LSG1: variants seen among roughly 807,000 people sequenced by gnomAD.
The protein encoded by LSG1 is large subunit GTPase 1 homolog.
Under a neutral mutation model 82.6 loss-of-function variants are expected in LSG1, and 55 were observed. The observed-to-expected ratio is 0.67, with a 90% CI of 0.54 to 0.83. The LOEUF (loss-of-function observed/expected upper bound fraction) is 0.83. Among genes scored for constraint, LSG1 ranks in the 40% least tolerant of loss-of-function variants. LSG1 has a pLI of 0.00. For missense variants in LSG1, 809 were observed against 807.9 expected (o/e 1.00, Z -0.02); for synonymous variants, 272 against 282.5 (o/e 0.96, Z 0.37).
In LSG1 at chr3:194,645,545, C is replaced by CAGACAG. The variant is rs1560219698; in HGVS notation, c.1623+618_1623+619insCTGTCT. 119 of 47,462 alleles carry CAGACAG rather than the reference C, an allele frequency of 2.5e-3. 6 individuals carry two copies. Among genetic ancestry groups the CAGACAG allele is most frequent in the Non-Finnish European group, 3.7e-3 (85 of 23,128 alleles). The allele number at this position is 47,462 out of a possible 1,614,324, so 2.9% of individuals were successfully genotyped here. On this transcript the variant is annotated intron_variant, in intron 12 of 13. Coordinates refer to ENST00000265245, the MANE Select transcript of LSG1 (RefSeq NM_018385.3). ...ACACACACACAGACAGACACACACA[C>CAGACAG]ACACACACACACACACACACACACA...
At chr3:194,647,332 C>T (rs1386228839) in intron 11 of LSG1, among the ~76,000 whole-genome samples, 1 of 152,068 alleles carries the variant, frequency 6.6e-6, no homozygotes, top group African/African-American at 2.4e-5. Context: ...ATGTGTAGCA[C>T]ATATAACAAA....
intron 7 of LSG1, among the ~76,000 whole-genome samples, chr3:194,653,515 CA>C (rs35726683): frequency 1.1e-3 from 125 of 113,114 alleles, no homozygotes; most frequent in Middle Eastern, 4.5e-3. Context: ...CTCTGTCTCA[CA>C]AAAAAAAAAA....
Position 194,652,716 on chromosome 3 carries a change from T to C in LSG1, c.1173+13A>G. The C allele has an allele frequency of 6.2e-7, 1 of 1,606,220 alleles. No individual in the cohort carries two copies. The highest frequency in any genetic ancestry group is 8.5e-7 in the Non-Finnish European group (1 of 1,174,962). ...ATCACGTGGTAACAATGTTATGACA[T>C]ATGTCATCTTACCAGTCCGACCGTA... On this transcript the variant is annotated intron_variant, in intron 8 of 13. Coordinates refer to ENST00000265245, the MANE Select transcript of LSG1 (RefSeq NM_018385.3).
intron 6 of LSG1, among the ~76,000 whole-genome samples, chr3:194,659,337 A>T (rs193048147): frequency 6.6e-6 from 1 of 152,268 alleles, no homozygotes; most frequent in Non-Finnish European, 1.5e-5. Flanking sequence ...TTTGTTATGC[A>T]CCAGTGGGTT....
Position 194,660,122 on chromosome 3 carries a change from A to T in LSG1, c.533T>A (p.Val178Asp), listed in dbSNP as rs749636765. Residue 178 changes from valine to aspartate, a missense_variant, in exon 6 of 14, where the codon GTC (valine) becomes GAC (aspartate). Coordinates refer to ENST00000265245, the MANE Select transcript of LSG1 (RefSeq NM_018385.3). ...WRVIERSDIV[V>D]QIVDARNPLL... ...TGGGTTTCGAGCATCTACTATCTGG[A>T]CCACAATATCACTGAAAAACAAACA... The T allele has an allele frequency of 1.2e-6, 2 of 1,614,016 alleles. No homozygotes were observed. The highest frequency in any genetic ancestry group is 1.7e-6 in the Non-Finnish European group (2 of 1,179,860).
chr3:194,648,586 G>A (rs1718603454), intron 11 of LSG1, 95 bp downstream of exon 11: 43 of 1,292,398 alleles, frequency 3.3e-5, no homozygotes, highest in Non-Finnish European at 4.5e-5. Flanking sequence ...GTGTATCTTT[G>A]CAGAACAGCA....
chr3:194,645,555 C>CACACACACACACAG lies in LSG1; in HGVS notation c.1623+608_1623+609insCTGTGTGTGTGTGT, dbSNP rs1718522043. Reference sequence around the variant, plus strand: ...AGACAGACACACACACACACACACACACACACACACACACAGACAGACACA... The same window carrying CACACACACACACAG: ...AGACAGACACACACACACACACACACACACACACACACAGACACACACACACACAGACAGACACA... On this transcript the variant is annotated intron_variant, in intron 12 of 13. Coordinates refer to ENST00000265245, the MANE Select transcript of LSG1 (RefSeq NM_018385.3). 1.1e-4 allele frequency among the ~76,000 whole-genome samples: 5 copies of CACACACACACACAG among 44,540 alleles called. 1 individual carries two copies. The highest frequency in any genetic ancestry group is 3.6e-4 in the African/African-American group (5 of 13,958). 29.2% of individuals were successfully genotyped at this position (44,540 alleles called of 152,430 possible). A position where few individuals can be genotyped will look rare whatever the true frequency, so the allele number is the denominator to read the frequency against.
Position 194,644,964 on chromosome 3 carries a change from A to G in LSG1, c.1624-218T>C, listed in dbSNP as rs79744755. The G allele has an allele frequency of 1.8e-3, 687 of 391,920 alleles. 3 individuals carry two copies. The highest frequency in any genetic ancestry group is 2.7e-3 in the Non-Finnish European group (598 of 221,452). 24.3% of individuals were successfully genotyped at this position (391,920 alleles called of 1,614,324 possible). On this transcript the variant is annotated intron_variant, in intron 12 of 13. Coordinates refer to ENST00000265245, the MANE Select transcript of LSG1 (RefSeq NM_018385.3). Reference sequence around the variant, plus strand: ...AGCTCTTCCCATGGCGCCCCAGACTAGGATGAAATCTCTTTCTTCTTTTCT... The same window carrying G: ...AGCTCTTCCCATGGCGCCCCAGACTGGGATGAAATCTCTTTCTTCTTTTCT...
At chr3:194,647,128 A>T (rs939772723) in intron 11 of LSG1, among the ~76,000 whole-genome samples, 1 of 152,202 alleles carries the variant, frequency 6.6e-6, no homozygotes, top group Non-Finnish European at 1.5e-5. Context: ...ACAACAATAA[A>T]TTTCGTCAGA....
intron 10 of LSG1, among the ~76,000 whole-genome samples, chr3:194,649,500 A>G (rs1046110642): frequency 6.6e-6 from 1 of 150,724 alleles, no homozygotes; most frequent in Non-Finnish European, 1.5e-5. Flanking sequence ...CCTGGCCAAC[A>G]TGGTGAAACC....
At position 194,652,818 on chromosome 3, in the gene LSG1, G is replaced by A. The variant is rs746688056; in HGVS notation, c.1084C>T (p.His362Tyr). ...AGTAACTCCTGCTTGGATACCAGAT[G>A]GCTAAAATTGTGTATCTGCCTCTTC... Reference protein sequence around the residue: ...PQKRQIHNFSHLVSKQELLEL... With the variant: ...PQKRQIHNFSYLVSKQELLEL... Residue 362 changes from histidine to tyrosine, a missense_variant, in exon 8 of 14, where the codon CAT becomes TAT. Physicochemically the swap from His to Tyr is moderately conservative, Grantham distance 83. Coordinates refer to ENST00000265245, the MANE Select transcript of LSG1 (RefSeq NM_018385.3). 5.6e-6 allele frequency: 9 copies of A among 1,614,130 alleles called. No individual in the cohort carries two copies. The highest frequency in any genetic ancestry group is 5.1e-6 in the Non-Finnish European group (6 of 1,180,042).
chr3:194,668,912 A>G (rs1719085794), intron 2 of LSG1, among the ~76,000 whole-genome samples: 1 of 86,232 alleles, frequency 1.2e-5, no homozygotes, highest in Non-Finnish European at 2.8e-5. Context: ...GACAATATGA[A>G]TGAACCACTC....
intron 1 of LSG1, 53 bp downstream of exon 1, chr3:194,672,011 G>C: frequency 6.5e-7 from 1 of 1,530,300 alleles, no homozygotes; most frequent in Middle Eastern, 1.7e-4. Flanking sequence ...CCCGAATTTT[G>C]CAGCACTCAG....
intron 5 of LSG1, 148 bp from the exon 6 acceptor site, chr3:194,660,281 T>A: frequency 1.5e-6 from 1 of 671,970 alleles, no homozygotes; most frequent in Non-Finnish European, 2.7e-6. Flanking sequence ...TCCCGGTTTA[T>A]ATATGAGTGA....
intron 7 of LSG1, among the ~76,000 whole-genome samples, chr3:194,655,170 T>G (rs919446750): frequency 2.0e-5 from 3 of 152,184 alleles, no homozygotes; most frequent in Admixed American, 2.0e-4. Flanking sequence ...AACTATACAC[T>G]GTTAATCCAG....
In LSG1 at chr3:194,641,790, A is replaced by AT. The variant is rs765454135; in HGVS notation, c.*277dup. On this transcript the variant is annotated 3_prime_UTR_variant, in exon 14 of 14. Transcript: ENST00000265245. ...CACCACGCCTGGCTAATTTTTTTGT[A>AT]TTTTTAGTAGAGACGGGGTTTCTCC... is the stretch of plus-strand genomic sequence containing the variant. 11 of 258,482 alleles carry AT rather than the reference A, an allele frequency of 4.3e-5. No homozygotes were observed. Among genetic ancestry groups the AT allele is most frequent in the Non-Finnish European group, 7.2e-5 (10 of 138,020 alleles). 16.0% of individuals were successfully genotyped at this position (258,482 alleles called of 1,614,324 possible). A position where few individuals can be genotyped will look rare whatever the true frequency, so the allele number is the denominator to read the frequency against.
intron 7 of LSG1, among the ~76,000 whole-genome samples, chr3:194,655,496 G>A (rs1718772461): frequency 1.3e-5 from 2 of 152,138 alleles, no homozygotes; most frequent in African/African-American, 4.8e-5. Context: ...TTCTGCCTAA[G>A]AATGGTAAGT....
intron 10 of LSG1, 172 bp from the exon 11 acceptor site, chr3:194,648,976 T>C: frequency 1.7e-6 from 1 of 591,724 alleles, no homozygotes; most frequent in East Asian, 3.2e-5. Flanking sequence ...TTTTTTCCCT[T>C]TTAAACAAGG....
intron 7 of LSG1, among the ~76,000 whole-genome samples, chr3:194,656,320 AT>A (rs1577255608): frequency 8.9e-6 from 1 of 112,730 alleles, no homozygotes; most frequent in Non-Finnish European, 2.1e-5. Flanking sequence ...AAACAACCCC[AT>A]CAAAAAGCGG....
Sources: gnomAD v4.1 joint callset for allele counts (sites outside exome capture counted in the v4.1 genomes callset) on GRCh38, gnomAD v4.1.1 for gene constraint, MANE v1.5 for transcripts, NCBI Gene and HGNC (gene_info 2026-07-23, HGNC 2026-07-21) for gene names.